The following FGF14 variants were observed in gnomAD, a reference collection of about 807,000 sequenced individuals.
FGF14 encodes fibroblast growth factor homologous factor 4.
A neutral mutation model predicts 25.5 loss-of-function variants in FGF14; 5 were observed. The observed-to-expected ratio is 0.20, with a 90% CI of 0.10 to 0.41. The LOEUF (loss-of-function observed/expected upper bound fraction) is 0.41, where lower values mean the gene tolerates loss of function less well. Among genes scored for constraint, FGF14 ranks in the 10% least tolerant of loss-of-function variants. The probability of loss-of-function intolerance (pLI) is 1.00; values close to 1 mark genes in which losing one functional copy is unlikely to be tolerated. For synonymous variants in FGF14, 138 were observed against 118.3 expected, an observed-to-expected ratio of 1.17 and a Z score of -1.08; for missense variants, 222 against 320.1, an observed-to-expected ratio of 0.69 and a Z score of 2.34.
At chr13:102,107,258 G>A (rs2044969812) in intron 1 of FGF14, among the ~76,000 whole-genome samples, 1 of 152,172 alleles carries the variant, frequency 6.6e-6, no homozygotes, top group African/African-American at 2.4e-5. Flanking sequence ...CTGGTTCCAA[G>A]TACTGTTGAC....
At chr13:102,000,627 T>C (rs1445284032) in intron 1 of FGF14, among the ~76,000 whole-genome samples, 1 of 152,220 alleles carries the variant, frequency 6.6e-6, no homozygotes, top group Non-Finnish European at 1.5e-5. Context: ...GGAAATATTC[T>C]GAGCTGGCTT....
chr13:102,188,749 G>A (rs2048971025), intron 1 of FGF14, among the ~76,000 whole-genome samples: 1 of 151,812 alleles, frequency 6.6e-6, no homozygotes. Context: ...AGACCAGCCT[G>A]GCCAACATGG....
At chr13:102,395,154 C>A (rs2058549502) in intron 1 of FGF14, 1 of 152,224 alleles carries the variant, frequency 6.6e-6, no homozygotes, top group African/African-American at 2.4e-5. Context: ...AAACTCCGTC[C>A]AAAGCAACTG....
intron 1 of FGF14, among the ~76,000 whole-genome samples, chr13:102,251,758 T>A (rs530570331): frequency 6.6e-6 from 1 of 152,282 alleles, no homozygotes; most frequent in African/African-American, 2.4e-5. Context: ...ACCCTTTACA[T>A]GACTCTTTTT....
intron 1 of FGF14, among the ~76,000 whole-genome samples, chr13:101,927,503 T>C (rs1322714): frequency 0.34 from 51,321 of 152,124 alleles, 9,281 homozygotes; most frequent in East Asian, 0.75. Context: ...ATTTATGTCA[T>C]GGGTATTTGA....
At chr13:101,865,579 C>T (rs2044660497) in intron 3 of FGF14, among the ~76,000 whole-genome samples, 1 of 152,052 alleles carries the variant, frequency 6.6e-6, no homozygotes, top group South Asian at 2.1e-4. Context: ...GTGCCTTTAG[C>T]ATTGGAAATG....
chr13:101,832,850 A>C (rs1373257858), intron 3 of FGF14, among the ~76,000 whole-genome samples: 1 of 152,080 alleles, frequency 6.6e-6, no homozygotes, highest in Non-Finnish European at 1.5e-5. Context: ...ATTAAGATAA[A>C]AAGAAGCAAT....
At chr13:102,178,929 A>C (rs997940338) in intron 1 of FGF14, among the ~76,000 whole-genome samples, 1 of 152,150 alleles carries the variant, frequency 6.6e-6, no homozygotes, top group African/African-American at 2.4e-5. Flanking sequence ...ATATACATCC[A>C]TTGGGGAACC....
intron 1 of FGF14, among the ~76,000 whole-genome samples, chr13:102,043,749 G>T (rs933111088): frequency 1.3e-5 from 2 of 152,110 alleles, no homozygotes; most frequent in Admixed American, 6.5e-5. Flanking sequence ...TCCTTCCCAC[G>T]GTTCCAGCAT....
chr13:101,750,020 C>T (rs2037164855), intron 3 of FGF14, among the ~76,000 whole-genome samples: 1 of 151,946 alleles, frequency 6.6e-6, no homozygotes, highest in African/African-American at 2.4e-5. Context: ...TGGAGTTCTC[C>T]CCTTTCAAGT....
chr13:102,319,195 C>T (rs1001402480), intron 1 of FGF14, among the ~76,000 whole-genome samples: 3 of 152,118 alleles, frequency 2.0e-5, no homozygotes, highest in Middle Eastern at 3.2e-3. Flanking sequence ...ATGAGAGTCC[C>T]TGAGTAATTC....
At chr13:102,344,007 T>C (rs1319329282) in intron 1 of FGF14, among the ~76,000 whole-genome samples, 1 of 152,202 alleles carries the variant, frequency 6.6e-6, no homozygotes, top group Non-Finnish European at 1.5e-5. Context: ...TAAAGCTGCT[T>C]ATGTAATTCA....
intron 1 of FGF14, among the ~76,000 whole-genome samples, chr13:102,337,484 C>T (rs1594887993): frequency 6.6e-6 from 1 of 152,132 alleles, no homozygotes. Flanking sequence ...GGAATCTACT[C>T]CTGATGGAAG....
At chr13:101,798,279 G>T (rs528216015) in intron 3 of FGF14, among the ~76,000 whole-genome samples, 1 of 152,226 alleles carries the variant, frequency 6.6e-6, no homozygotes, top group East Asian at 1.9e-4. Context: ...ATTCCATAGA[G>T]ATGTTTCCTG....
chr13:101,764,078 C>A (rs902653613), intron 3 of FGF14, among the ~76,000 whole-genome samples: 14 of 152,158 alleles, frequency 9.2e-5, no homozygotes, highest in Non-Finnish European at 1.9e-4. Context: ...AGAAGTCTGT[C>A]CCCTGGGGCA....
chr13:102,237,639 T>C (rs963085992), intron 1 of FGF14, among the ~76,000 whole-genome samples: 3 of 152,094 alleles, frequency 2.0e-5, no homozygotes, highest in African/African-American at 7.2e-5. Flanking sequence ...AAAAATTTTT[T>C]GATATTACCA....
intron 1 of FGF14, among the ~76,000 whole-genome samples, chr13:102,177,272 G>GC (rs1453418070): frequency 6.6e-6 from 1 of 152,144 alleles, no homozygotes; most frequent in Non-Finnish European, 1.5e-5. Flanking sequence ...AGAAAAGATA[G>GC]CCAGAGTTTG....
At chr13:101,991,377 T>C (rs1285747532) in intron 1 of FGF14, among the ~76,000 whole-genome samples, 1 of 152,100 alleles carries the variant, frequency 6.6e-6, no homozygotes, top group Admixed American at 6.6e-5. Flanking sequence ...AAAAAAAAGT[T>C]TGAATTCAGT....
intron 1 of FGF14, among the ~76,000 whole-genome samples, chr13:102,258,705 T>C (rs2052568968): frequency 2.0e-5 from 3 of 152,158 alleles, no homozygotes; most frequent in South Asian, 2.1e-4. Flanking sequence ...TGTTGTGCTG[T>C]GGGTAATGTC....
Sources: gnomAD v4.1 joint callset for allele counts (sites outside exome capture counted in the v4.1 genomes callset) on GRCh38, gnomAD v4.1.1 for gene constraint, MANE v1.5 for transcripts, NCBI Gene and HGNC (gene_info 2026-07-23, HGNC 2026-07-21) for gene names.